Variants in PHGDH observed in about 807,000 individuals in gnomAD.
PHGDH encodes the protein phosphoglycerate dehydrogenase.
In PHGDH, 50 loss-of-function variants were observed where a neutral mutation model predicts 52.6. The ratio of observed to expected loss-of-function variants is 0.95; its 90% CI spans 0.76 to 1.20. The LOEUF (loss-of-function observed/expected upper bound fraction) is 1.20. Ranked by LOEUF, PHGDH falls within the 50% of genes most tolerant of loss-of-function variation. The pLI, the probability that PHGDH is intolerant of heterozygous loss-of-function variation, is 0.00. For missense variants in PHGDH, 630 were observed against 684.6 expected (o/e 0.92, Z 0.89); for synonymous variants, 271 against 280.5 (o/e 0.97, Z 0.34).
At chr1:119,740,124 G>A (rs1652127690) in intron 8 of PHGDH, 1 of 490,924 alleles carries the variant, frequency 2.0e-6, no homozygotes, top group Non-Finnish European at 3.7e-6. Flanking sequence ...GGGGGCTGGG[G>A]CAGACACAGT....
At chr1:119,725,591 C>G (rs975205895) in intron 3 of PHGDH, among the ~76,000 whole-genome samples, 1 of 152,200 alleles carries the variant, frequency 6.6e-6, no homozygotes, top group Non-Finnish European at 1.5e-5. Flanking sequence ...TGAGTTTACC[C>G]ATAAGATCGT....
At chr1:119,718,635 G>C (rs927229277) in intron 1 of PHGDH, among the ~76,000 whole-genome samples, 5 of 152,122 alleles carry the variant, frequency 3.3e-5, no homozygotes, top group Non-Finnish European at 7.4e-5. Flanking sequence ...CAAAGCCTCT[G>C]TTTCTTTATC....
intron 3 of PHGDH, 129 bp from the exon 4 acceptor site, chr1:119,726,722 G>C (rs1651437212): frequency 6.5e-6 from 5 of 768,414 alleles, no homozygotes; most frequent in Non-Finnish European, 1.2e-5. Flanking sequence ...TCCTAAACCT[G>C]AACCCCCAGA....
At chr1:119,723,518 GA>G (rs780525227) in intron 3 of PHGDH, 77 bp downstream of exon 3, 3 of 1,106,286 alleles carry the variant, frequency 2.7e-6, no homozygotes, top group Non-Finnish European at 4.2e-6. Context: ...AATGGACCCA[GA>G]AAAACTTAGA....
At chr1:119,729,173 G>C (rs1359330744) in intron 5 of PHGDH, among the ~76,000 whole-genome samples, 2 of 152,146 alleles carry the variant, frequency 1.3e-5, no homozygotes, top group African/African-American at 4.8e-5. Context: ...GGACTCCTGA[G>C]AGAGGCAGAT....
At chr1:119,735,540 A>G (rs1557977741) in intron 7 of PHGDH, 97 bp downstream of exon 7, 19 of 1,231,060 alleles carry the variant, frequency 1.5e-5, no homozygotes, top group East Asian at 2.4e-5. Flanking sequence ...GAAAGCCTCT[A>G]GCTTATTGTC....
intron 3 of PHGDH, chr1:119,726,507 G>C: frequency 2.3e-6 from 1 of 431,784 alleles, no homozygotes; most frequent in South Asian, 2.2e-5. Context: ...GAGTTGCCCA[G>C]TACCCCACTC....
chr1:119,744,089 A>G lies in PHGDH; in HGVS notation c.*49A>G, dbSNP rs750540426. The G allele has an allele frequency of 6.4e-7, 1 of 1,561,386 alleles. No individual in the cohort carries two copies. The highest frequency in any genetic ancestry group is 8.8e-7 in the Non-Finnish European group (1 of 1,132,154). Reference sequence around the variant, plus strand: ...CTCTGGGGCTTTTCTGAAGAAACCCACCCACTGTGATCAATAGGGAGAGAA... The same window carrying G: ...CTCTGGGGCTTTTCTGAAGAAACCCGCCCACTGTGATCAATAGGGAGAGAA... On this transcript the variant is annotated 3_prime_UTR_variant, in exon 12 of 12. Transcript: ENST00000641023.
chr1:119,737,415 G>C, intron 8 of PHGDH, 149 bp downstream of exon 8: 1 of 714,952 alleles, frequency 1.4e-6, no homozygotes, highest in Admixed American at 2.7e-5. Flanking sequence ...GCACTCTCCG[G>C]AGCAGGTGGG....
At chr1:119,714,554 T>C (rs1490534627) in intron 1 of PHGDH, 1 of 152,218 alleles carries the variant, frequency 6.6e-6, no homozygotes, top group Non-Finnish European at 1.5e-5. Context: ...GGCATGTGAG[T>C]ATGAAATTAC....
At chr1:119,717,232 C>CAAAAAAAAAAAAAAAAAAA (rs58549149) in intron 1 of PHGDH, among the ~76,000 whole-genome samples, 1 of 37,352 alleles carries the variant, frequency 2.7e-5, no homozygotes, top group Non-Finnish European at 4.5e-5. Context: ...AACTCTGTCT[C>CAAAAAAAAAAAAAAAAAAA]AAAAAAAAAA....
chr1:119,742,539 T>TCTTTCCTCCCTGTTTTC lies in PHGDH; in HGVS notation c.1210-265_1210-249dup. 3 of 582,938 alleles carry TCTTTCCTCCCTGTTTTC rather than the reference T, an allele frequency of 5.1e-6. No individual in the cohort carries two copies. In the South Asian group the frequency reaches 6.0e-5, roughly 12 times the overall value. The allele number at this position is 582,938 out of a possible 1,614,324, so 36.1% of individuals were successfully genotyped here. A position where few individuals can be genotyped will look rare whatever the true frequency, so the allele number is the denominator to read the frequency against. On this transcript the variant is annotated intron_variant, in intron 10 of 11. Coordinates refer to ENST00000641023, the MANE Select transcript of PHGDH (RefSeq NM_006623.4). Reference sequence around the variant, plus strand: ...CCTCACAGCCCTGCCTCCCTGCTTTTCTTTCCTCCCTGTTTTCCTCCAAGC... The same window carrying TCTTTCCTCCCTGTTTTC: ...CCTCACAGCCCTGCCTCCCTGCTTTTCTTTCCTCCCTGTTTTCCTTTCCTCCCTGTTTTCCTCCAAGC...
intron 8 of PHGDH, among the ~76,000 whole-genome samples, chr1:119,738,741 A>G (rs1363573648): frequency 6.6e-6 from 1 of 151,320 alleles, no homozygotes; most frequent in East Asian, 2.0e-4. Context: ...CTTTTCCTGA[A>G]AGGGACTCCT....
intron 5 of PHGDH, chr1:119,727,595 C>T (rs112358595): frequency 0.019 from 3,388 of 179,380 alleles, 117 homozygotes; most frequent in African/African-American, 0.076. Flanking sequence ...TTTGGGAGGC[C>T]GAGGCAGGCA....
chr1:119,725,010 G>A (rs1355731133), intron 3 of PHGDH: 3 of 456,708 alleles, frequency 6.6e-6, no homozygotes, highest in South Asian at 4.6e-5. Flanking sequence ...GGCAATGTGG[G>A]TGGAGAGCAG....
intron 1 of PHGDH, among the ~76,000 whole-genome samples, chr1:119,716,496 G>A (rs1650944062): frequency 6.6e-6 from 1 of 152,178 alleles, no homozygotes; most frequent in South Asian, 2.1e-4. Flanking sequence ...GGTTTGCAAG[G>A]TTTGGGGAGC....
intron 5 of PHGDH, among the ~76,000 whole-genome samples, chr1:119,729,249 G>C (rs1208336168): frequency 6.6e-6 from 1 of 152,130 alleles, no homozygotes; most frequent in Non-Finnish European, 1.5e-5. Flanking sequence ...AGGGATGGTG[G>C]GATGCCATAA....
intron 3 of PHGDH, chr1:119,726,548 G>A (rs1187634262): frequency 2.0e-6 from 1 of 493,872 alleles, no homozygotes; most frequent in Non-Finnish European, 3.7e-6. Flanking sequence ...GAGGATTGGC[G>A]ATCGCTTAAA....
chr1:119,719,838 A>C (rs927676239), intron 1 of PHGDH: 1 of 152,256 alleles, frequency 6.6e-6, no homozygotes, highest in Non-Finnish European at 1.5e-5. Flanking sequence ...AGGTAAAAGA[A>C]GGTTTTCATG....
Sources: gnomAD v4.1 joint callset for allele counts (sites outside exome capture counted in the v4.1 genomes callset) on GRCh38, gnomAD v4.1.1 for gene constraint, MANE v1.5 for transcripts, NCBI Gene and HGNC (gene_info 2026-07-23, HGNC 2026-07-21) for gene names.